ASCC3: variants seen among roughly 807,000 people sequenced by gnomAD.
The protein encoded by ASCC3 is activating signal cointegrator 1 complex subunit 3.
ASCC3 carries 158 observed loss-of-function variants against 256.3 expected under a neutral mutation model. The observed-to-expected ratio is 0.62, with a 90% CI of 0.54 to 0.70. The LOEUF is 0.70. Among genes scored for constraint, ASCC3 ranks in the 30% least tolerant of loss-of-function variants. The pLI, the probability that ASCC3 is intolerant of heterozygous loss-of-function variation, is 0.00. For synonymous variants in ASCC3, 948 were observed against 883.4 expected (o/e 1.07, Z -1.30); for missense variants, 2,259 against 2,626.0 (o/e 0.86, Z 3.05).
chr6:100,625,461 T>C (rs924632716), intron 29 of ASCC3, 127 bp from the exon 30 acceptor site: 13 of 1,079,462 alleles, frequency 1.2e-5, no homozygotes, highest in Middle Eastern at 2.1e-4. Flanking sequence ...TGTGGCATTA[T>C]TGCAGGTACT....
At position 100,644,048 on chromosome 6, in the gene ASCC3, G is replaced by GAAA; in HGVS notation, c.3712_3714dup (p.Phe1238dup). The GAAA allele has an allele frequency of 6.2e-7, 1 of 1,611,204 alleles. No individual in the cohort carries two copies. Among genetic ancestry groups the GAAA allele is most frequent in the Non-Finnish European group, 8.5e-7 (1 of 1,178,126 alleles). On this transcript the variant is annotated inframe_insertion, in exon 23 of 42. Transcript: ENST00000369162. ...ACACTTACTTGTTTTTTTAGAGCTA[G>GAAA]AAAATACTCTGAATGATAAATATGA...
chr6:100,819,671 T>G (rs1043803139), intron 4 of ASCC3, among the ~76,000 whole-genome samples: 3 of 152,002 alleles, frequency 2.0e-5, no homozygotes, highest in African/African-American at 7.2e-5. Context: ...TGGGGGGAGA[T>G]GAATGCCAGA....
At chr6:100,627,502 C>G (rs1774300336) in intron 29 of ASCC3, 88 bp downstream of exon 29, 2 of 1,549,022 alleles carry the variant, frequency 1.3e-6, no homozygotes, top group Non-Finnish European at 1.8e-6. Context: ...CAGTATCATC[C>G]TTTCAAAGAA....
intron 11 of ASCC3, among the ~76,000 whole-genome samples, chr6:100,721,447 G>A (rs933622951): frequency 6.6e-6 from 1 of 151,660 alleles, no homozygotes; most frequent in African/African-American, 2.4e-5. Context: ...ATCATGCCCT[G>A]AATGCTTCTT....
intron 10 of ASCC3, among the ~76,000 whole-genome samples, chr6:100,760,614 C>A (rs557635357): frequency 1.3e-5 from 2 of 152,186 alleles, no homozygotes; most frequent in South Asian, 4.1e-4. Context: ...ATAGAAATGT[C>A]TCAGCAAGGA....
intron 30 of ASCC3, among the ~76,000 whole-genome samples, chr6:100,608,132 A>C (rs1332941957): frequency 7.8e-6 from 1 of 127,664 alleles, no homozygotes; most frequent in South Asian, 2.2e-4. Context: ...ATATACATAT[A>C]TATGTATATA....
At chr6:100,682,527 A>G (rs1459785722) in intron 13 of ASCC3, among the ~76,000 whole-genome samples, 1 of 152,160 alleles carries the variant, frequency 6.6e-6, no homozygotes, top group African/African-American at 2.4e-5. Context: ...AGAGAAGATA[A>G]CATGTGGATA....
intron 25 of ASCC3, among the ~76,000 whole-genome samples, chr6:100,631,686 C>G (rs1774553860): frequency 6.6e-6 from 1 of 151,618 alleles, no homozygotes; most frequent in Non-Finnish European, 1.5e-5. Context: ...GAGAAATAAA[C>G]TATTGTTTAA....
At chr6:100,658,070 C>A (rs1582646687) in intron 16 of ASCC3, among the ~76,000 whole-genome samples, 1 of 151,410 alleles carries the variant, frequency 6.6e-6, no homozygotes, top group Non-Finnish European at 1.5e-5. Context: ...AGAGTATGCT[C>A]CCTGGCCTCA....
intron 14 of ASCC3, among the ~76,000 whole-genome samples, chr6:100,673,272 T>A (rs1261751133): frequency 6.6e-6 from 1 of 152,090 alleles, no homozygotes; most frequent in Non-Finnish European, 1.5e-5. Context: ...ATTAAAAAAA[T>A]TAAATCACAA....
At chr6:100,820,750 G>A (rs1391668718) in intron 4 of ASCC3, among the ~76,000 whole-genome samples, 2 of 151,926 alleles carry the variant, frequency 1.3e-5, no homozygotes, top group Admixed American at 6.6e-5. Context: ...GATAAGGGGT[G>A]TGCATCCAAA....
At chr6:100,558,627 G>A (rs1582446124) in intron 36 of ASCC3, among the ~76,000 whole-genome samples, 3 of 152,110 alleles carry the variant, frequency 2.0e-5, no homozygotes, top group Non-Finnish European at 4.4e-5. Context: ...AGCATTTGAA[G>A]ATATCATAGT....
intron 13 of ASCC3, among the ~76,000 whole-genome samples, chr6:100,697,151 A>G (rs1306842681): frequency 6.6e-6 from 1 of 152,122 alleles, no homozygotes; most frequent in Non-Finnish European, 1.5e-5. Context: ...AAGCACATAC[A>G]TGCAGGGCCC....
chr6:100,853,210 A>G (rs1177113105), intron 3 of ASCC3, among the ~76,000 whole-genome samples: 18 of 152,240 alleles, frequency 1.2e-4, no homozygotes, highest in Non-Finnish European at 4.4e-5. Context: ...AAAGAGTTAA[A>G]TGGTTACAAT....
At chr6:100,512,577 C>A in intron 40 of ASCC3, 132 bp downstream of exon 40, 1 of 942,894 alleles carries the variant, frequency 1.1e-6, no homozygotes. Flanking sequence ...GACTAACTCT[C>A]GCTGCTTAAG....
intron 34 of ASCC3, among the ~76,000 whole-genome samples, chr6:100,597,699 G>C (rs1259846138): frequency 6.6e-6 from 1 of 151,586 alleles, no homozygotes; most frequent in Non-Finnish European, 1.5e-5. Context: ...TGGGCCAGGC[G>C]TGGTGGCTTA....
intron 18 of ASCC3, among the ~76,000 whole-genome samples, chr6:100,652,111 GA>G (rs1415501067): frequency 6.6e-6 from 1 of 151,900 alleles, no homozygotes; most frequent in Admixed American, 6.6e-5. Context: ...AAACTGAGTT[GA>G]AAAAAATCAG....
At chr6:100,749,993 C>G (rs1780861518) in intron 10 of ASCC3, among the ~76,000 whole-genome samples, 1 of 151,586 alleles carries the variant, frequency 6.6e-6, no homozygotes, top group Non-Finnish European at 1.5e-5. Context: ...TTTAATTAAC[C>G]AGCTCAAAAC....
chr6:100,720,839 A>T (rs184615684), intron 11 of ASCC3, among the ~76,000 whole-genome samples: 193 of 144,700 alleles, frequency 1.3e-3, no homozygotes, highest in Non-Finnish European at 2.2e-3. Context: ...ATATACACTT[A>T]TATATTGATA....
Sources: gnomAD v4.1 joint callset for allele counts (sites outside exome capture counted in the v4.1 genomes callset) on GRCh38, gnomAD v4.1.1 for gene constraint, MANE v1.5 for transcripts, NCBI Gene and HGNC (gene_info 2026-07-23, HGNC 2026-07-21) for gene names.